CELF2: variants seen among roughly 807,000 people sequenced by gnomAD.
CELF2 encodes the protein CUG triplet repeat RNA-binding protein 2.
Under a neutral mutation model 62.6 loss-of-function variants are expected in CELF2, and 8 were observed. That is an observed-to-expected ratio of 0.13 (90% CI 0.07 to 0.23). The LOEUF (loss-of-function observed/expected upper bound fraction) is 0.23. Ranked by LOEUF, CELF2 falls within the 10% of genes least tolerant of loss-of-function variation. The pLI, the probability that CELF2 is intolerant of heterozygous loss-of-function variation, is 1.00. For missense variants in CELF2, 333 were observed against 671.0 expected (o/e 0.50, Z 5.56); for synonymous variants, 258 against 250.0 (o/e 1.03, Z -0.30).
the CELF2 span, among the ~76,000 whole-genome samples, chr10:10,564,556 T>A: frequency 6.6e-6 from 1 of 151,770 alleles, no homozygotes; most frequent in Admixed American, 6.6e-5. Flanking sequence ...ACCATTTTCA[T>A]CACCTCTTTA....
the CELF2 span, among the ~76,000 whole-genome samples, chr10:10,698,236 TC>T: frequency 6.6e-6 from 1 of 152,146 alleles, no homozygotes; most frequent in Non-Finnish European, 1.5e-5. Flanking sequence ...ATAAAATGGC[TC>T]CAGGAAAAGA....
At chr10:11,127,866 G>A (rs182481784) in intron 1 of CELF2, among the ~76,000 whole-genome samples, 1 of 152,264 alleles carries the variant, frequency 6.6e-6, no homozygotes, top group African/African-American at 2.4e-5. Flanking sequence ...CTTTTGCCAT[G>A]CAGAAGCTCC....
intron 2 of CELF2, among the ~76,000 whole-genome samples, chr10:10,924,280 C>A (rs11256919): frequency 3.8e-5 from 2 of 52,674 alleles, no homozygotes; most frequent in Admixed American, 1.9e-4. Context: ...AGACTCCGTC[C>A]CAAAAAAAAA....
chr10:11,201,219 A>G (rs2059145597), intron 2 of CELF2, among the ~76,000 whole-genome samples: 1 of 152,110 alleles, frequency 6.6e-6, no homozygotes, highest in Admixed American at 6.5e-5. Context: ...TTTCACCTGT[A>G]TTTTCCTTGT....
Position 11,053,774 on chromosome 10 carries a change from C to T in CELF2, c.74+35611C>T, listed in dbSNP as rs184403246. 5.3e-5 allele frequency among the ~76,000 whole-genome samples: 8 copies of T among 151,880 alleles called. No individual in the cohort carries two copies. The East Asian group carries it at 1.2e-3, about 22-fold the overall frequency. On this transcript the variant is annotated intron_variant, in intron 1 of 12. Transcript: ENST00000633077. ...GGACTACAGGCGCCCACCACCATGC[C>T]CGGCTAATTTTTTGTATTTTTAGTA...
intron 2 of CELF2, among the ~76,000 whole-genome samples, chr10:10,985,421 A>G (rs1163627418): frequency 2.6e-5 from 4 of 152,200 alleles, no homozygotes; most frequent in Non-Finnish European, 5.9e-5. Context: ...GCAATGCATT[A>G]TCATAAGTTT....
In CELF2 at chr10:10,983,555, T is replaced by TATTTG. The variant is rs2052394760; in HGVS notation, c.89+63556_89+63557insATTTG. On this transcript the variant is annotated intron_variant, in intron 2 of 13. Coordinates refer to the CELF2 transcript ENST00000636488. This position sits in a 1 kb window ranked among gnomAD's most constrained non-coding sequence, Gnocchi z 5.2. ...GGTGCTACCGAAGATACATCCGTAGTTTTTGTTTTTGGTTTTTGGTTTATT... is the reference window on the plus strand; with the variant it reads ...GGTGCTACCGAAGATACATCCGTAGTATTTGTTTTGTTTTTGGTTTTTGGTTTATT... Among the ~76,000 whole-genome samples the TATTTG allele has an allele frequency of 6.6e-6, 1 of 152,008 alleles. No homozygotes were observed. Among genetic ancestry groups the TATTTG allele is most frequent in the Admixed American group, 6.6e-5 (1 of 15,262 alleles).
chr10:11,313,705 A>G (rs1565931894), intron 9 of CELF2, among the ~76,000 whole-genome samples: 1 of 152,096 alleles, frequency 6.6e-6, no homozygotes, highest in Non-Finnish European at 1.5e-5. Flanking sequence ...CAGTCACTGT[A>G]TGAGGTTAGC....
chr10:10,696,200 T>G, the CELF2 span, among the ~76,000 whole-genome samples: 5 of 152,072 alleles, frequency 3.3e-5, no homozygotes, highest in Admixed American at 1.3e-4. Context: ...GTCCTTTCTG[T>G]TTGTTAGTTT....
chr10:10,645,026 CA>C, the CELF2 span, among the ~76,000 whole-genome samples: 1 of 152,094 alleles, frequency 6.6e-6, no homozygotes, highest in Non-Finnish European at 1.5e-5. Context: ...GAAAACAAAC[CA>C]AAAACGAAAA....
chr10:10,568,869 A>T, the CELF2 span, among the ~76,000 whole-genome samples: 9 of 152,114 alleles, frequency 5.9e-5, no homozygotes, highest in African/African-American at 2.2e-4. Flanking sequence ...GGTCTTGAGT[A>T]CCTATTGGAG....
In CELF2 at chr10:11,316,198, T is replaced by C. The variant is rs1169267899; in HGVS notation, c.1096+1940T>C. 1.3e-5 allele frequency among the ~76,000 whole-genome samples: 2 copies of C among 152,236 alleles called. No individual in the cohort carries two copies. The highest frequency in any genetic ancestry group is 4.8e-5 in the African/African-American group (2 of 41,464). ...CAACAGGCTTAAATTGTTTTGCTTT[T>C]TAAAATTCTTTGCCAATGGGTTAAT... On this transcript the variant is annotated intron_variant, in intron 10 of 12. Transcript: ENST00000633077. This position sits in a 1 kb window ranked among gnomAD's most constrained non-coding sequence, Gnocchi z 4.4.
intron 1 of CELF2, among the ~76,000 whole-genome samples, chr10:11,026,417 CG>C (rs1314408598): frequency 2.6e-5 from 4 of 152,150 alleles, no homozygotes; most frequent in Non-Finnish European, 4.4e-5. Context: ...CTTTGGAACT[CG>C]GGGGGAAGAC....
At chr10:11,253,962 G>A (rs1229207523) in intron 4 of CELF2, among the ~76,000 whole-genome samples, 1 of 152,102 alleles carries the variant, frequency 6.6e-6, no homozygotes, top group Non-Finnish European at 1.5e-5. Context: ...AAAGCACCTA[G>A]CAGAATACTG....
chr10:10,689,414 C>T, the CELF2 span, among the ~76,000 whole-genome samples: 1 of 152,180 alleles, frequency 6.6e-6, no homozygotes, highest in Non-Finnish European at 1.5e-5. Context: ...TCCCCCAACA[C>T]TTAGGATTAC....
chr10:11,219,822 G>T (rs1482474029), intron 3 of CELF2, among the ~76,000 whole-genome samples: 2 of 152,202 alleles, frequency 1.3e-5, no homozygotes, highest in African/African-American at 2.4e-5. Flanking sequence ...CTTGCGGTTT[G>T]ATTACAAGCC....
intron 2 of CELF2, among the ~76,000 whole-genome samples, chr10:10,960,942 T>G (rs1469441008): frequency 5.3e-5 from 8 of 152,212 alleles, no homozygotes; most frequent in Non-Finnish European, 2.9e-5. Flanking sequence ...TTTCTCAAAG[T>G]CCAGCATTCT....
At position 11,207,402 on chromosome 10, in the gene CELF2, G is replaced by C. The variant is rs1398508333; in HGVS notation, c.272-10023G>C. ...GCCTGGATCTTGTGGCCAGTTGACA[G>C]AAAGTTGGTCCTAGCGTGTCAAATG... is the stretch of plus-strand genomic sequence containing the variant. On this transcript the variant is annotated intron_variant, in intron 2 of 12. Coordinates refer to ENST00000633077, the MANE Select transcript of CELF2 (RefSeq NM_001326342.2). The surrounding 1 kb of genome is among the most constrained non-coding windows in gnomAD (Gnocchi z 4.1). 6.6e-6 allele frequency among the ~76,000 whole-genome samples: 1 copy of C among 152,218 alleles called. No individual in the cohort carries two copies. The highest frequency in any genetic ancestry group is 1.5e-5 in the Non-Finnish European group (1 of 68,040).
intron 1 of CELF2, among the ~76,000 whole-genome samples, chr10:10,890,392 C>T (rs2062048262): frequency 6.6e-6 from 1 of 152,138 alleles, no homozygotes; most frequent in African/African-American, 2.4e-5. Flanking sequence ...TGGTCTAGAC[C>T]ACCTTACAAA....
Sources: gnomAD v4.1 joint callset for allele counts (sites outside exome capture counted in the v4.1 genomes callset) on GRCh38, gnomAD v4.1.1 for gene constraint, Gnocchi (gnomAD v3.1) non-coding constraint, MANE v1.5 for transcripts, NCBI Gene and HGNC (gene_info 2026-07-23, HGNC 2026-07-21) for gene names.